The following CATSPERB variants were observed in gnomAD, a reference collection of about 807,000 sequenced individuals.
The protein encoded by CATSPERB is cation channel sperm-associated auxiliary subunit beta.
CATSPERB carries 93 observed loss-of-function variants against 128.3 expected under a neutral mutation model. The ratio of observed to expected loss-of-function variants is 0.72; its 90% CI spans 0.61 to 0.86. The LOEUF is 0.86. Among genes scored for constraint, CATSPERB ranks in the 40% least tolerant of loss-of-function variants. CATSPERB has a pLI of 0.00. For missense variants in CATSPERB, 1,153 were observed against 1,329.5 expected (o/e 0.87, Z 2.06); for synonymous variants, 381 against 448.8 (o/e 0.85, Z 1.91).
rs770787396 is a variant in CATSPERB at position 91,610,567 on chromosome 14, G to C, written c.2511C>G (p.His837Gln). 2 of 1,614,000 alleles carry C rather than the reference G, an allele frequency of 1.2e-6. No individual in the cohort carries two copies. The highest frequency in any genetic ancestry group is 2.2e-5 in the South Asian group (2 of 91,070). Reference sequence around the variant, plus strand: ...CAAATGGGATAAATTTGCTAGGAATGTGATGCATAGATCTGAGATAACTAC... The same window carrying C: ...CAAATGGGATAAATTTGCTAGGAATCTGATGCATAGATCTGAGATAACTAC... The part of the protein sequence containing the change: ...SSCSYLRSMH[H>Q]IPSKFIPFED... The change falls in exon 21 of 27, where the codon CAC becomes CAG. Residue 837 changes from histidine (H) to glutamine (Q), a missense_variant. His to Gln is a conservative substitution (Grantham distance 24, BLOSUM62 0). Transcript: ENST00000256343.
At chr14:91,618,787 A>C (rs1257769484) in intron 19 of CATSPERB, among the ~76,000 whole-genome samples, 2 of 152,260 alleles carry the variant, frequency 1.3e-5, no homozygotes, top group Non-Finnish European at 2.9e-5. Context: ...ACCAGAGTTT[A>C]TAAACACCTG....
chr14:91,709,191 CCA>C (rs1392672879), intron 5 of CATSPERB: 1 of 152,208 alleles, frequency 6.6e-6, no homozygotes, highest in Non-Finnish European at 1.5e-5. Flanking sequence ...TCACCACTCT[CCA>C]TCAAGAAGTT....
chr14:91,652,975 G>C (rs914605735), intron 15 of CATSPERB, among the ~76,000 whole-genome samples: 4 of 152,130 alleles, frequency 2.6e-5, no homozygotes, highest in Non-Finnish European at 1.5e-5. Flanking sequence ...TGGAGAAATA[G>C]CATCAGGATT....
At chr14:91,696,617 G>A (rs1595182889) in intron 7 of CATSPERB, among the ~76,000 whole-genome samples, 1 of 152,174 alleles carries the variant, frequency 6.6e-6, no homozygotes, top group South Asian at 2.1e-4. Context: ...GAGAAGTGGA[G>A]ATGGAAGTAA....
chr14:91,691,522 C>T lies in CATSPERB; in HGVS notation c.864+1G>A, dbSNP rs778620051. ...GCCCTGGGAAATATAAAGCTTCTTACCCTTTCAAAACCACAAAAGTCTGCC... is the reference window on the plus strand; with the variant it reads ...GCCCTGGGAAATATAAAGCTTCTTATCCTTTCAAAACCACAAAAGTCTGCC... On this transcript the variant is annotated splice_donor_variant, in intron 10 of 26. Transcript: ENST00000256343. LOFTEE classifies it high-confidence loss of function. The T allele has an allele frequency of 2.5e-5, 40 of 1,601,894 alleles. No homozygotes were observed. The highest frequency in any genetic ancestry group is 3.4e-5 in the Non-Finnish European group (40 of 1,174,070).
intron 14 of CATSPERB, among the ~76,000 whole-genome samples, chr14:91,662,090 T>C (rs1299281149): frequency 6.6e-6 from 1 of 152,184 alleles, no homozygotes; most frequent in Non-Finnish European, 1.5e-5. Flanking sequence ...TAATGAACTG[T>C]GTGAACTGAA....
chr14:91,626,405 G>A (rs1446666396), intron 17 of CATSPERB, among the ~76,000 whole-genome samples: 1 of 111,262 alleles, frequency 9.0e-6, no homozygotes, highest in East Asian at 3.2e-4. Context: ...TTGCTCTGCC[G>A]CCAGCCTGGA....
At chr14:91,644,471 A>G (rs373486333) in intron 15 of CATSPERB, among the ~76,000 whole-genome samples, 11 of 145,708 alleles carry the variant, frequency 7.5e-5, no homozygotes, top group Admixed American at 2.7e-4. Context: ...CACTTATGAA[A>G]CTTAGTTTGG....
In CATSPERB at chr14:91,691,515, C is replaced by G; in HGVS notation, c.864+8G>C. The G allele has an allele frequency of 1.9e-6, 3 of 1,599,128 alleles. No homozygotes were observed. The highest frequency in any genetic ancestry group is 2.6e-6 in the Non-Finnish European group (3 of 1,172,422). ...CTAACCAGCCCTGGGAAATATAAAG[C>G]TTCTTACCCTTTCAAAACCACAAAA... On this transcript the variant is annotated splice_region_variant and intron_variant, in intron 10 of 26. Transcript: ENST00000256343.
chr14:91,582,143 C>A (rs1161625809), intron 26 of CATSPERB, among the ~76,000 whole-genome samples: 1 of 152,200 alleles, frequency 6.6e-6, no homozygotes, highest in Non-Finnish European at 1.5e-5. Flanking sequence ...TCCTTCCCAG[C>A]CCACCAGTCC....
chr14:91,591,444 A>G (rs1225454993), intron 23 of CATSPERB, among the ~76,000 whole-genome samples: 1 of 151,998 alleles, frequency 6.6e-6, no homozygotes, highest in African/African-American at 2.4e-5. Flanking sequence ...TAACCAACAT[A>G]TTACACCGTC....
At chr14:91,600,831 A>G (rs548318607) in intron 22 of CATSPERB, among the ~76,000 whole-genome samples, 1 of 152,378 alleles carries the variant, frequency 6.6e-6, no homozygotes, top group South Asian at 2.1e-4. Context: ...TCCTTGCCCC[A>G]AGGGGCTGCC....
chr14:91,672,746 C>T, intron 13 of CATSPERB, 121 bp downstream of exon 13: 1 of 702,854 alleles, frequency 1.4e-6, no homozygotes, highest in South Asian at 2.5e-5. Flanking sequence ...AATAATTTTG[C>T]TATAGCCAAT....
At position 91,669,952 on chromosome 14, in the gene CATSPERB, G is replaced by A; in HGVS notation, c.1149C>T (p.Ala383=). ...CATTATTTCTCAGGGTGCTCACAGA[G>A]GCAATGGCAGTTTTCCTGACCTAGG... The part of the protein sequence containing the change: ...FYNKVRKTAI[A]SVSTLRNNEP... Residue 383 remains alanine (A), a synonymous_variant, in exon 14 of 27, where the codon GCC becomes GCT. Coordinates refer to ENST00000256343, the MANE Select transcript of CATSPERB (RefSeq NM_024764.4). 1.2e-6 allele frequency: 2 copies of A among 1,612,734 alleles called. No homozygotes were observed. Among genetic ancestry groups the A allele is most frequent in the Non-Finnish European group, 1.7e-6 (2 of 1,179,604 alleles).
chr14:91,603,197 T>C, intron 22 of CATSPERB: 2 of 805,934 alleles, frequency 2.5e-6, no homozygotes, highest in South Asian at 2.7e-5. Context: ...TCTTTCTTCA[T>C]GAGGGTGTTT....
At chr14:91,617,778 C>T (rs777119028) in intron 19 of CATSPERB, 42 bp from the exon 20 acceptor site, 2 of 1,376,280 alleles carry the variant, frequency 1.5e-6, no homozygotes, top group East Asian at 4.8e-5. Context: ...ATAATGAAAA[C>T]TGTAAACTCA....
Position 91,693,262 on chromosome 14 carries a change from A to T in CATSPERB, c.713-18T>A, listed in dbSNP as rs757707954. ...TTCATATTCTAAACGAAGAAATCATACCATGGATTAAAAAGTAAGAAAAAA... is the reference window on the plus strand; with the variant it reads ...TTCATATTCTAAACGAAGAAATCATTCCATGGATTAAAAAGTAAGAAAAAA... On this transcript the variant is annotated intron_variant, in intron 8 of 26. Coordinates refer to ENST00000256343, the MANE Select transcript of CATSPERB (RefSeq NM_024764.4). 6.3e-7 allele frequency: 1 copy of T among 1,584,354 alleles called. No homozygotes were observed. Among genetic ancestry groups the T allele is most frequent in the African/African-American group, 1.3e-5 (1 of 74,202 alleles).
intron 22 of CATSPERB, among the ~76,000 whole-genome samples, chr14:91,602,349 T>G (rs1052278409): frequency 1.3e-5 from 2 of 152,206 alleles, no homozygotes; most frequent in African/African-American, 4.8e-5. Context: ...AAGTTTGTTT[T>G]TAAAGTGCTC....
chr14:91,663,575 G>A (rs541301680), intron 14 of CATSPERB, among the ~76,000 whole-genome samples: 3 of 149,702 alleles, frequency 2.0e-5, no homozygotes, highest in South Asian at 2.1e-4. Context: ...AACCCGGGAG[G>A]CGGAGCTTGC....
Sources: allele counts gnomAD v4.1 joint callset (sites outside exome capture counted in the v4.1 genomes callset), GRCh38; gene constraint gnomAD v4.1.1; transcripts MANE v1.5; gene names NCBI Gene and HGNC (gene_info 2026-07-23, HGNC 2026-07-21).